Variants in IPO11 observed in about 807,000 individuals in gnomAD.
The protein encoded by IPO11 is importin 11, also known as importin-11.
In IPO11, 66 loss-of-function variants were observed where a neutral mutation model predicts 143.2. The observed-to-expected ratio is 0.46, with a 90% CI of 0.38 to 0.57. The LOEUF is 0.57. Ranked by LOEUF, IPO11 falls within the 20% of genes least tolerant of loss-of-function variation. The pLI is 0.00. For missense variants in IPO11, 1,026 were observed against 1,141.0 expected, an observed-to-expected ratio of 0.90 and a Z score of 1.45; for synonymous variants, 385 against 377.8, an observed-to-expected ratio of 1.02 and a Z score of -0.22.
rs1390088436 is a variant in IPO11 at position 62,598,561 on chromosome 5, T to C, written c.2679-3203T>C. ...TTTTCTTTCTTTTCTTTCTTTTTTT[T>C]TTTTATGGAGTCTTGCCCTGTTGCC... On this transcript the variant is annotated intron_variant, in intron 28 of 29. Transcript: ENST00000325324. 7.6e-5 allele frequency among the ~76,000 whole-genome samples: 3 copies of C among 39,268 alleles called. 1 individual carries two copies. Among genetic ancestry groups the C allele is most frequent in the African/African-American group, 4.7e-4 (2 of 4,226 alleles). The allele number at this position is 39,268 out of a possible 152,430, so 25.8% of individuals were successfully genotyped here. A position where few individuals can be genotyped will look rare whatever the true frequency, so the allele number is the denominator to read the frequency against.
rs373372383 is a variant in IPO11 at position 62,526,173 on chromosome 5, C to G, written c.1928C>G (p.Pro643Arg). 1.1e-5 allele frequency: 17 copies of G among 1,613,106 alleles called. No homozygotes were observed. The highest frequency in any genetic ancestry group is 1.4e-5 in the Non-Finnish European group (16 of 1,179,368). Residue 643 changes from proline (P) to arginine (R), a missense_variant, in exon 21 of 30, where the codon CCT becomes CGT. By Grantham distance (103) the Pro-to-Arg change is moderately radical (BLOSUM62 -2). Around this residue, in one of 5 missense-constraint regions of IPO11, gnomAD observed 237 missense variants for 288.0 expected, o/e 0.82. Transcript: ENST00000325324. ...GLGADSKNLY[P>R]FLLPVIQLST... is the part of the protein sequence containing the mutation. ...GGAGCAGACAGCAAGAACCTGTACC[C>G]TTTCCTGCTCCCAGTTATTCAACTG...
chr5:62,554,241 T>G (rs1646369768), intron 26 of IPO11, among the ~76,000 whole-genome samples: 1 of 152,220 alleles, frequency 6.6e-6, no homozygotes, highest in East Asian at 1.9e-4. Context: ...TTTTACTCTG[T>G]TGTTGGTTGC....
intron 1 of IPO11, among the ~76,000 whole-genome samples, chr5:62,434,371 A>C (rs1744098553): frequency 6.6e-6 from 1 of 151,890 alleles, no homozygotes; most frequent in Admixed American, 6.6e-5. Context: ...GCGTGATCAC[A>C]GCTCACTGTA....
At chr5:62,607,176 T>G (rs750157086) in intron 29 of IPO11, among the ~76,000 whole-genome samples, 1 of 152,178 alleles carries the variant, frequency 6.6e-6, no homozygotes, top group Middle Eastern at 3.2e-3. Flanking sequence ...CCTTTACTCA[T>G]CAACTCTGAA....
chr5:62,428,551 T>C (rs552489620), intron 1 of IPO11, among the ~76,000 whole-genome samples: 1 of 151,696 alleles, frequency 6.6e-6, no homozygotes, highest in African/African-American at 2.4e-5. Flanking sequence ...ACCATGTTGG[T>C]CAGGCTGGTC....
At chr5:62,591,721 A>G in intron 28 of IPO11, 49 bp downstream of exon 28, 2 of 1,209,336 alleles carry the variant, frequency 1.7e-6, no homozygotes, top group South Asian at 2.7e-5. Context: ...GGATAATTAA[A>G]TACATGCTGC....
chr5:62,431,002 CAG>C (rs1442538524), intron 1 of IPO11, among the ~76,000 whole-genome samples: 3 of 151,720 alleles, frequency 2.0e-5, no homozygotes, highest in Non-Finnish European at 1.5e-5. Context: ...TTTTTTGAGA[CAG>C]AGTCTCCTCT....
intron 1 of IPO11, among the ~76,000 whole-genome samples, chr5:62,418,502 A>G (rs1160329181): frequency 1.3e-5 from 2 of 152,238 alleles, no homozygotes; most frequent in African/African-American, 4.8e-5. Flanking sequence ...ACAGTAAGCT[A>G]TTAACAGTAT....
intron 24 of IPO11, among the ~76,000 whole-genome samples, chr5:62,545,768 C>T (rs1423548089): frequency 1.3e-5 from 2 of 151,908 alleles, no homozygotes; most frequent in Non-Finnish European, 2.9e-5. Flanking sequence ...AAAAACAACC[C>T]CATCAAAAAG....
intron 9 of IPO11, among the ~76,000 whole-genome samples, chr5:62,480,924 TTTTTTTTTG>T (rs1179625167): frequency 9.4e-5 from 10 of 106,926 alleles, no homozygotes; most frequent in Admixed American, 9.1e-5. Context: ...TTTTTTTTTT[TTTTTTTTTG>T]GAGACAGAGT....
intron 5 of IPO11, among the ~76,000 whole-genome samples, chr5:62,457,716 A>G (rs1217661418): frequency 6.6e-6 from 1 of 152,188 alleles, no homozygotes; most frequent in East Asian, 1.9e-4. Flanking sequence ...TTGTCAGCTT[A>G]AGACTTCATG....
At chr5:62,442,080 G>A (rs1319085900) in intron 2 of IPO11, among the ~76,000 whole-genome samples, 2 of 151,996 alleles carry the variant, frequency 1.3e-5, no homozygotes, top group African/African-American at 4.8e-5. Context: ...TCCTGACCTC[G>A]TGATTCGCCT....
At chr5:62,424,148 T>G (rs980287482) in intron 1 of IPO11, among the ~76,000 whole-genome samples, 9 of 150,884 alleles carry the variant, frequency 6.0e-5, no homozygotes, top group Non-Finnish European at 1.2e-4. Context: ...CTTTTTTTTT[T>G]TTGTTTTTTG....
At chr5:62,536,314 T>G (rs557215765) in intron 22 of IPO11, among the ~76,000 whole-genome samples, 11 of 152,280 alleles carry the variant, frequency 7.2e-5, no homozygotes, top group Middle Eastern at 3.4e-3. Context: ...AGGTGGTTTT[T>G]TTTTCTGAAA....
chr5:62,514,394 AG>A lies in IPO11; in HGVS notation c.1783-993del, dbSNP rs1741922685. ...CACTCGCGGCTAGGAGCTGGAGACC[AG>A]TCTGGCCAACACAGCGAAACCCCGT... On this transcript the variant is annotated intron_variant, in intron 19 of 29. Coordinates refer to ENST00000325324, the MANE Select transcript of IPO11 (RefSeq NM_016338.5). 2.0e-5 allele frequency among the ~76,000 whole-genome samples: 3 copies of A among 152,014 alleles called. No individual in the cohort carries two copies. The South Asian group carries it at 6.2e-4, about 31-fold the overall frequency.
At chr5:62,574,707 C>T (rs1341667573) in intron 27 of IPO11, among the ~76,000 whole-genome samples, 1 of 152,118 alleles carries the variant, frequency 6.6e-6, no homozygotes, top group Admixed American at 6.5e-5. Flanking sequence ...ATCATATACT[C>T]GCAATGAGGA....
At chr5:62,581,705 A>G (rs1744572530) in intron 27 of IPO11, among the ~76,000 whole-genome samples, 1 of 152,078 alleles carries the variant, frequency 6.6e-6, no homozygotes, top group Non-Finnish European at 1.5e-5. Context: ...TCAGTTTTAT[A>G]CTATATTGCT....
At chr5:62,626,025 C>G (rs1448271143) in intron 29 of IPO11, among the ~76,000 whole-genome samples, 1 of 151,960 alleles carries the variant, frequency 6.6e-6, no homozygotes, top group Non-Finnish European at 1.5e-5. Flanking sequence ...TTTTTCTTTC[C>G]TCTTCTTTTT....
intron 16 of IPO11, among the ~76,000 whole-genome samples, chr5:62,499,569 CT>C (rs35545041): frequency 0.086 from 8,585 of 99,838 alleles, 89 homozygotes; most frequent in East Asian, 0.13. Context: ...CTTACTCTAA[CT>C]TTTTTTTTTT....
Sources: gnomAD v4.1 joint callset for allele counts (sites outside exome capture counted in the v4.1 genomes callset) on GRCh38, gnomAD v4.1.1 for gene constraint, gnomAD v4.1.1 regional missense constraint, MANE v1.5 for transcripts, NCBI Gene and HGNC (gene_info 2026-07-23, HGNC 2026-07-21) for gene names.